The following ANKRD26 variants were observed in gnomAD, a reference collection of about 807,000 sequenced individuals.
The protein encoded by ANKRD26 is ankyrin repeat domain-containing protein 26.
ANKRD26 carries 141 observed loss-of-function variants against 208.7 expected under a neutral mutation model. The observed-to-expected ratio is 0.68, with a 90% CI of 0.59 to 0.78. The LOEUF is 0.78. Among genes scored for constraint, ANKRD26 ranks in the 30% least tolerant of loss-of-function variants. The probability of loss-of-function intolerance (pLI) is 0.00; values close to 1 mark genes in which losing one functional copy is unlikely to be tolerated. For missense variants in ANKRD26, 1,889 were observed against 1,938.7 expected (o/e 0.97, Z 0.48); for synonymous variants, 636 against 660.4 (o/e 0.96, Z 0.57).
intron 5 of ANKRD26, among the ~76,000 whole-genome samples, chr10:26,977,048 C>T (rs967983446): frequency 5.3e-5 from 8 of 152,270 alleles, no homozygotes; most frequent in African/African-American, 1.2e-4. Context: ...TCCCCACCCC[C>T]GGAAACTTCG....
chr10:26,968,571 C>T, the ANKRD26 span, among the ~76,000 whole-genome samples: 1,617 of 152,298 alleles, frequency 0.011, 30 homozygotes, highest in African/African-American at 0.037. Context: ...ACCACATAAG[C>T]CTTCATATTC....
chr10:27,090,390 C>A (rs35671200), intron 4 of ANKRD26, among the ~76,000 whole-genome samples: 19,566 of 152,058 alleles, frequency 0.13, 1,401 homozygotes, highest in East Asian at 0.29. Flanking sequence ...AAGACTCCAT[C>A]TCAAAAAATA....
intron 5 of ANKRD26, among the ~76,000 whole-genome samples, chr10:26,978,765 AC>A (rs997617176): frequency 7.7e-4 from 117 of 152,356 alleles, no homozygotes; most frequent in African/African-American, 2.7e-3. Context: ...CAACACAGTT[AC>A]AATGCGGCTG....
chr10:27,033,328 T>A lies in ANKRD26; in HGVS notation c.3704A>T (p.Gln1235Leu), dbSNP rs765506121. Residue 1235 changes from glutamine (Q) to leucine (L), a missense_variant, in exon 25 of 34, where the codon CAA becomes CTA. Gln to Leu is a moderately radical substitution (Grantham distance 113). Coordinates refer to ENST00000376087, the MANE Select transcript of ANKRD26 (RefSeq NM_014915.3). ...CTCCAGTGAAGCCTCTGACATAGATTGTTTTTTTAGGGTATCAGCTAGTTC... is the reference window on the plus strand; with the variant it reads ...CTCCAGTGAAGCCTCTGACATAGATAGTTTTTTTAGGGTATCAGCTAGTTC... Reference protein sequence around the residue: ...QQELADTLKKQSMSEASLEVT... With the variant: ...QQELADTLKKLSMSEASLEVT... 2.4e-5 allele frequency: 38 copies of A among 1,612,120 alleles called. No individual in the cohort carries two copies. Among genetic ancestry groups the A allele is most frequent in the Non-Finnish European group, 3.1e-5 (36 of 1,178,746 alleles).
chr10:26,990,354 A>G (rs181121826), downstream of ANKRD26, among the ~76,000 whole-genome samples: 33 of 152,276 alleles, frequency 2.2e-4, 1 homozygote, highest in East Asian at 5.8e-3. Flanking sequence ...GTTCTCTTTA[A>G]GATTTAACCA....
At chr10:26,972,122 C>G (rs562899774), downstream of ANKRD26, among the ~76,000 whole-genome samples, 2 of 151,656 alleles carry the variant, frequency 1.3e-5, no homozygotes. Flanking sequence ...GTAGTCCCAG[C>G]TACTCGGGAG....
chr10:27,078,154 T>C (rs147140211), intron 7 of ANKRD26, among the ~76,000 whole-genome samples: 19 of 152,268 alleles, frequency 1.2e-4, no homozygotes, highest in African/African-American at 4.6e-4. Flanking sequence ...TTTATGAAAG[T>C]GGGTTGGCAC....
intron 6 of ANKRD26, among the ~76,000 whole-genome samples, chr10:27,079,619 G>A (rs573848605): frequency 7.0e-4 from 107 of 152,146 alleles, no homozygotes; most frequent in African/African-American, 2.2e-3. Flanking sequence ...TTTGGGAGGC[G>A]GAGGCAGGAA....
rs964398560 is a variant in ANKRD26, at chr10:27,088,656, C to T, written c.639-2047G>A. 3.9e-5 allele frequency among the ~76,000 whole-genome samples: 6 copies of T among 152,242 alleles called. No homozygotes were observed. The South Asian group carries it at 1.0e-3, about 26-fold the overall frequency. Reference sequence around the variant, plus strand: ...CAACCACAAGTTGGTGGCCACTACTCCAGCGAAGGACAATATGGAACCTTT... The same window carrying T: ...CAACCACAAGTTGGTGGCCACTACTTCAGCGAAGGACAATATGGAACCTTT... On this transcript the variant is annotated intron_variant, in intron 4 of 33. Transcript: ENST00000376087.
At chr10:27,044,031 C>A in intron 19 of ANKRD26, 126 bp downstream of exon 19, 1 of 686,658 alleles carries the variant, frequency 1.5e-6, no homozygotes. Context: ...TGGAGTCAAG[C>A]AATCCTCCCG....
chr10:27,015,927 C>T (rs1281010838), intron 30 of ANKRD26, among the ~76,000 whole-genome samples: 3 of 152,110 alleles, frequency 2.0e-5, no homozygotes, highest in Non-Finnish European at 4.4e-5. Context: ...CTCACTCAGA[C>T]ACACACACAC....
At chr10:27,078,364 A>C (rs1020678886) in intron 7 of ANKRD26, among the ~76,000 whole-genome samples, 2 of 152,190 alleles carry the variant, frequency 1.3e-5, no homozygotes, top group Admixed American at 1.3e-4. Context: ...CATGGACTGA[A>C]ATAACAGAAC....
chr10:27,026,912 G>A lies in ANKRD26; in HGVS notation c.3972+1940C>T, dbSNP rs955210964. Among the ~76,000 whole-genome samples the A allele has an allele frequency of 2.0e-4, 30 of 151,914 alleles. 1 individual carries two copies. Among genetic ancestry groups the A allele is most frequent in the Admixed American group, 2.0e-4 (3 of 15,252 alleles). On this transcript the variant is annotated intron_variant, in intron 27 of 33. Coordinates refer to ENST00000376087, the MANE Select transcript of ANKRD26 (RefSeq NM_014915.3). ...AGCAATTCTCCTACTTCAGCCTCCT[G>A]AGTAGTAGGATTACAGGGGCCTGCC...
chr10:26,969,561 T>C (rs966892669), downstream of ANKRD26, among the ~76,000 whole-genome samples: 5 of 152,202 alleles, frequency 3.3e-5, no homozygotes, highest in South Asian at 6.2e-4. Context: ...CAGGGCTCCA[T>C]AGGTGCATTC....
chr10:27,096,169 A>C (rs976979117), intron 1 of ANKRD26, among the ~76,000 whole-genome samples: 1 of 152,224 alleles, frequency 6.6e-6, no homozygotes, highest in African/African-American at 2.4e-5. Flanking sequence ...CCAGAAGTGC[A>C]GGAGATTCAC....
At chr10:27,064,719 T>C (rs2055179016) in intron 11 of ANKRD26, among the ~76,000 whole-genome samples, 1 of 152,124 alleles carries the variant, frequency 6.6e-6, no homozygotes, top group African/African-American at 2.4e-5. Flanking sequence ...AGGAAAATGG[T>C]TGACTAAAAT....
Position 27,066,456 on chromosome 10 carries a change from T to C in ANKRD26, c.1269+31A>G, listed in dbSNP as rs1246895123. On this transcript the variant is annotated intron_variant, in intron 11 of 33. Transcript: ENST00000376087. ...TTTAACATCACTCAATGCTTATATT[T>C]TAAAATAATAGTAACAACCATAGAA... 18 of 1,524,248 alleles carry C rather than the reference T, an allele frequency of 1.2e-5. No individual in the cohort carries two copies. The Middle Eastern group carries it at 8.8e-4, about 75-fold the overall frequency. 94.4% of individuals were successfully genotyped at this position (1,524,248 alleles called of 1,614,324 possible).
intron 20 of ANKRD26, among the ~76,000 whole-genome samples, chr10:27,041,524 G>T (rs2054239507): frequency 6.6e-6 from 1 of 152,106 alleles, no homozygotes; most frequent in Admixed American, 6.5e-5. Context: ...ATAGGAAAAA[G>T]TCAAGCTGTT....
chr10:27,039,429 G>T (rs912699565), intron 21 of ANKRD26, among the ~76,000 whole-genome samples: 7 of 151,246 alleles, frequency 4.6e-5, no homozygotes, highest in Non-Finnish European at 7.4e-5. Flanking sequence ...ACTCCAGCCT[G>T]GGCAACAGAG....
Sources: gnomAD v4.1 joint callset for allele counts (sites outside exome capture counted in the v4.1 genomes callset) on GRCh38, gnomAD v4.1.1 for gene constraint, MANE v1.5 for transcripts, NCBI Gene and HGNC (gene_info 2026-07-23, HGNC 2026-07-21) for gene names.